The following NPSR1 variants were observed in gnomAD, a reference collection of about 807,000 sequenced individuals.
NPSR1 encodes neuropeptide S receptor 1, also known as neuropeptide S receptor.
In NPSR1, 48 loss-of-function variants were observed where a neutral mutation model predicts 46.9. The ratio of observed to expected loss-of-function variants is 1.02; its 90% confidence interval spans 0.81 to 1.30. NPSR1 has a LOEUF of 1.30. Among genes scored for constraint, NPSR1 ranks in the 50% most tolerant of loss-of-function variants. The probability of loss-of-function intolerance (pLI) is 0.00; values close to 1 mark genes in which losing one functional copy is unlikely to be tolerated. For synonymous variants in NPSR1, 176 were observed against 168.1 expected, an observed-to-expected ratio of 1.05 and a Z score of -0.36; for missense variants, 450 against 449.5, an observed-to-expected ratio of 1.00 and a Z score of -0.01.
chr7:34,723,875 T>G (rs973697504), intron 2 of NPSR1, among the ~76,000 whole-genome samples: 3 of 152,174 alleles, frequency 2.0e-5, no homozygotes, highest in African/African-American at 4.8e-5. Flanking sequence ...AATATGAATG[T>G]TTGTTACCAT....
intron 2 of NPSR1, among the ~76,000 whole-genome samples, chr7:34,777,656 C>A (rs138364051): frequency 6.7e-4 from 102 of 152,156 alleles, no homozygotes; most frequent in African/African-American, 2.3e-3. Context: ...ATCAGTGGAA[C>A]CTTCTATTCT....
At chr7:34,712,354 G>A (rs1030179515) in intron 2 of NPSR1, among the ~76,000 whole-genome samples, 3 of 151,950 alleles carry the variant, frequency 2.0e-5, no homozygotes, top group Non-Finnish European at 2.9e-5. Flanking sequence ...TTGTTGTTGT[G>A]CTTTTCTATG....
At chr7:34,812,629 G>A (rs925445293) in intron 4 of NPSR1, among the ~76,000 whole-genome samples, 9 of 152,180 alleles carry the variant, frequency 5.9e-5, no homozygotes, top group African/African-American at 1.7e-4. Flanking sequence ...ATGCCCTAGA[G>A]GAAGGGTGAG....
chr7:34,828,439 A>G (rs570709351), intron 5 of NPSR1, among the ~76,000 whole-genome samples: 2 of 152,344 alleles, frequency 1.3e-5, no homozygotes, highest in African/African-American at 4.8e-5. Flanking sequence ...TAGCACAACA[A>G]CCTGGTCAAG....
At chr7:34,734,194 A>G (rs956989060) in intron 2 of NPSR1, among the ~76,000 whole-genome samples, 2 of 152,226 alleles carry the variant, frequency 1.3e-5, no homozygotes, top group African/African-American at 4.8e-5. Context: ...GATATTAGAG[A>G]TGGCTGAAGA....
intron 8 of NPSR1, among the ~76,000 whole-genome samples, chr7:34,876,876 G>A (rs557414734): frequency 1.3e-5 from 2 of 152,312 alleles, no homozygotes; most frequent in Admixed American, 1.3e-4. Context: ...GACTTGGAAT[G>A]CCAGGAGCTC....
At chr7:34,835,420 G>A (rs1338839570) in intron 6 of NPSR1, among the ~76,000 whole-genome samples, 1 of 152,190 alleles carries the variant, frequency 6.6e-6, no homozygotes, top group African/African-American at 2.4e-5. Context: ...ACCACTAAGA[G>A]CTGTGCCACC....
intron 1 of NPSR1, among the ~76,000 whole-genome samples, chr7:34,671,130 T>C (rs1395563016): frequency 1.3e-5 from 2 of 152,136 alleles, no homozygotes; most frequent in Non-Finnish European, 2.9e-5. Flanking sequence ...TATTAAGGAA[T>C]ATTATGCAAC....
intron 2 of NPSR1, 78 bp downstream of exon 2, chr7:34,684,762 A>G: frequency 1.6e-5 from 2 of 125,534 alleles, no homozygotes; most frequent in Non-Finnish European, 2.1e-5. Flanking sequence ...GAATTTTATC[A>G]AAAAAAAAAA....
intron 2 of NPSR1, among the ~76,000 whole-genome samples, chr7:34,766,819 C>T (rs1224450045): frequency 1.3e-5 from 2 of 152,086 alleles, no homozygotes; most frequent in African/African-American, 2.4e-5. Flanking sequence ...GTGATCCACC[C>T]GCCTCGGCCT....
chr7:34,680,498 GT>G (rs1269033868), intron 1 of NPSR1, among the ~76,000 whole-genome samples: 2 of 152,218 alleles, frequency 1.3e-5, no homozygotes, highest in African/African-American at 4.8e-5. Flanking sequence ...TCCTAGTCAA[GT>G]TTAAGATTTG....
At chr7:34,823,696 G>A (rs1047087333) in intron 4 of NPSR1, among the ~76,000 whole-genome samples, 1 of 151,946 alleles carries the variant, frequency 6.6e-6, no homozygotes, top group Non-Finnish European at 1.5e-5. Flanking sequence ...AACAAGAACT[G>A]AGAAAAATAG....
chr7:34,855,398 TA>T, intron 8 of NPSR1, among the ~76,000 whole-genome samples: 1 of 152,080 alleles, frequency 6.6e-6, no homozygotes, highest in Non-Finnish European at 1.5e-5. Flanking sequence ...AAATAAACAG[TA>T]TTCTTTAAAT....
intron 7 of NPSR1, 26 bp from the exon 8 acceptor site, chr7:34,848,457 A>T (rs1584140226): frequency 6.2e-7 from 1 of 1,610,066 alleles, no homozygotes; most frequent in African/African-American, 1.3e-5. Flanking sequence ...ACCTGCTGTG[A>T]TGCTAATGGC....
intron 6 of NPSR1, among the ~76,000 whole-genome samples, chr7:34,841,133 T>C (rs367868858): frequency 2.6e-5 from 4 of 152,360 alleles, no homozygotes; most frequent in African/African-American, 9.6e-5. Context: ...ATAGGAAGCA[T>C]ATTTATTTTA....
rs995617543 is a variant in NPSR1 at position 34,696,783 on chromosome 7, A to C, written c.280+12099A>C. 2.8e-5 allele frequency among the ~76,000 whole-genome samples: 4 copies of C among 145,072 alleles called. 1 individual carries two copies. Among genetic ancestry groups the C allele is most frequent in the Admixed American group, 1.4e-4 (2 of 14,446 alleles). On this transcript the variant is annotated intron_variant, in intron 2 of 8. Transcript: ENST00000360581. Reference sequence around the variant, plus strand: ...GATAGAAACAACACTTATAGTGGCCAATAATTTTCCCAAACTCTTTAAAGA... The same window carrying C: ...GATAGAAACAACACTTATAGTGGCCCATAATTTTCCCAAACTCTTTAAAGA...
chr7:34,728,830 CAA>C (rs556479993), intron 2 of NPSR1: 48 of 152,702 alleles, frequency 3.1e-4, no homozygotes, highest in African/African-American at 1.1e-3. Flanking sequence ...TAAATGGGAA[CAA>C]AGAGAGAAGA....
chr7:34,724,740 T>A (rs1393425281), intron 2 of NPSR1, among the ~76,000 whole-genome samples: 1 of 152,140 alleles, frequency 6.6e-6, no homozygotes, highest in East Asian at 1.9e-4. Context: ...AAGCCTCACC[T>A]TACCTGTTTT....
chr7:34,790,668 A>G (rs1787697502), intron 3 of NPSR1, among the ~76,000 whole-genome samples: 2 of 131,670 alleles, frequency 1.5e-5, no homozygotes, highest in Non-Finnish European at 3.3e-5. Flanking sequence ...TTATAAATAT[A>G]TGTTATATGT....
Sources: gnomAD v4.1 joint callset for allele counts (sites outside exome capture counted in the v4.1 genomes callset) on GRCh38, gnomAD v4.1.1 for gene constraint, MANE v1.5 for transcripts, NCBI Gene and HGNC (gene_info 2026-07-23, HGNC 2026-07-21) for gene names.